RBP7: variants seen among roughly 807,000 people sequenced by gnomAD.
The protein encoded by RBP7 is retinoid-binding protein 7.
RBP7 carries 13 observed loss-of-function variants against 16.7 expected under a neutral mutation model. That is an observed-to-expected ratio of 0.78 (90% CI 0.51 to 1.24). The LOEUF (loss-of-function observed/expected upper bound fraction) is 1.24. Ranked by LOEUF, RBP7 falls within the 50% of genes most tolerant of loss-of-function variation. RBP7 has a pLI of 0.00. For missense variants in RBP7, 145 were observed against 159.5 expected, an observed-to-expected ratio of 0.91 and a Z score of 0.49; for synonymous variants, 54 against 56.2, an observed-to-expected ratio of 0.96 and a Z score of 0.17.
At chr1:9,998,477 G>C (rs888231295) in intron 1 of RBP7, among the ~76,000 whole-genome samples, 1 of 135,260 alleles carries the variant, frequency 7.4e-6, no homozygotes, top group African/African-American at 2.8e-5. Flanking sequence ...GTACGATCTC[G>C]GCTCACTGCA....
At chr1:10,003,189 G>C (rs12021658) in intron 1 of RBP7, among the ~76,000 whole-genome samples, 1 of 152,164 alleles carries the variant, frequency 6.6e-6, no homozygotes, top group African/African-American at 2.4e-5. Context: ...CACTTTGGGA[G>C]GCTGAGGTGG....
At chr1:10,015,460 A>AG (rs2101741492) in intron 3 of RBP7, among the ~76,000 whole-genome samples, 1 of 151,474 alleles carries the variant, frequency 6.6e-6, no homozygotes, top group South Asian at 2.1e-4. Context: ...AAAAAAAAAA[A>AG]AAAAAGACCA....
In RBP7 at chr1:10,015,898, C is replaced by G. The variant is rs531418186; in HGVS notation, c.*66C>G. 1.6e-5 allele frequency: 23 copies of G among 1,469,038 alleles called. No individual in the cohort carries two copies. The African/African-American group carries it at 2.3e-4, about 15-fold the overall frequency. The allele number at this position is 1,469,038 out of a possible 1,614,324, so 91.0% of individuals were successfully genotyped here. A position where few individuals can be genotyped will look rare whatever the true frequency, so the allele number is the denominator to read the frequency against. ...ATGCCAAATTATATTGCAGACTGAA[C>G]AGACGTTTATCTATCCCATTTGGCG... On this transcript the variant is annotated 3_prime_UTR_variant, in exon 4 of 4. Transcript: ENST00000294435.
At chr1:10,008,096 G>A in intron 2 of RBP7, 77 bp from the exon 3 acceptor site, 1 of 942,660 alleles carries the variant, frequency 1.1e-6, no homozygotes, top group Non-Finnish European at 1.7e-6. Flanking sequence ...ATTTTGCAAG[G>A]GTAACTTGGC....
At chr1:10,010,755 T>C (rs1312766701) in intron 3 of RBP7, among the ~76,000 whole-genome samples, 1 of 151,538 alleles carries the variant, frequency 6.6e-6, no homozygotes. Context: ...TGGCTAATTT[T>C]GTATTTTCAG....
intron 1 of RBP7, among the ~76,000 whole-genome samples, chr1:10,000,978 C>T (rs567216291): frequency 1.3e-5 from 2 of 152,284 alleles, no homozygotes; most frequent in South Asian, 4.1e-4. Flanking sequence ...TCGTGATCCA[C>T]CCGCCTTGGC....
chr1:10,007,883 C>T, intron 2 of RBP7, 135 bp downstream of exon 2: 1 of 815,644 alleles, frequency 1.2e-6, no homozygotes, highest in Non-Finnish European at 1.9e-6. Flanking sequence ...CCTGTCTCTA[C>T]AGAAAAAAAT....
At chr1:10,014,826 G>GA (rs1317901430) in intron 3 of RBP7, among the ~76,000 whole-genome samples, 1 of 152,206 alleles carries the variant, frequency 6.6e-6, no homozygotes, top group Non-Finnish European at 1.5e-5. Context: ...TGGTCAGTCA[G>GA]AAATATGGGA....
chr1:9,999,814 CT>C (rs70998341), intron 1 of RBP7, among the ~76,000 whole-genome samples: 53,685 of 101,674 alleles, frequency 0.53, 15,801 homozygotes, highest in Non-Finnish European at 0.72. Context: ...CTGTAATACT[CT>C]TTTTTTTTTT....
chr1:10,004,235 G>C (rs1243639772), intron 1 of RBP7: 1 of 151,328 alleles, frequency 6.6e-6, no homozygotes, highest in Admixed American at 6.6e-5. Flanking sequence ...ACCACGCCCA[G>C]CTAATTTTGT....
intron 1 of RBP7, among the ~76,000 whole-genome samples, chr1:9,999,737 A>C (rs1301810137): frequency 6.6e-6 from 1 of 152,076 alleles, no homozygotes; most frequent in African/African-American, 2.4e-5. Context: ...AAGTACTTAC[A>C]TCAATTTGTT....
intron 3 of RBP7, among the ~76,000 whole-genome samples, chr1:10,009,376 C>T (rs1365894692): frequency 2.0e-5 from 3 of 151,864 alleles, no homozygotes; most frequent in East Asian, 1.9e-4. Context: ...CACCACTGCC[C>T]TACGGCCTGG....
chr1:10,012,117 A>C (rs1156431444), intron 3 of RBP7, among the ~76,000 whole-genome samples: 1 of 151,572 alleles, frequency 6.6e-6, no homozygotes, highest in Non-Finnish European at 1.5e-5. Context: ...AGGCTGAGGC[A>C]GGAGAATCAC....
At chr1:10,004,428 T>C in intron 1 of RBP7, 1 of 152,180 alleles carries the variant, frequency 6.6e-6, no homozygotes, top group Non-Finnish European at 1.5e-5. Context: ...CAGGCTGGAG[T>C]GCAATGGTGC....
chr1:10,008,409 A>C (rs1027357336), intron 3 of RBP7, 135 bp downstream of exon 3: 1 of 527,042 alleles, frequency 1.9e-6, no homozygotes, highest in Non-Finnish European at 3.4e-6. Flanking sequence ...TCAGGAGACT[A>C]GCCTGGCCAA....
chr1:10,009,018 A>G (rs1642530510), intron 3 of RBP7, among the ~76,000 whole-genome samples: 1 of 152,158 alleles, frequency 6.6e-6, no homozygotes, highest in South Asian at 2.1e-4. Context: ...TCTAATCTTC[A>G]CAACCCTGTG....
Position 9,997,371 on chromosome 1 carries a change from G to T in RBP7, c.73+40G>T. ...AGGCGGCGGCGGCGCGAGGCTCGCC[G>T]TGGGTCTCGGGATCAGGCGAAGGCG... On this transcript the variant is annotated intron_variant, in intron 1 of 3. Coordinates refer to ENST00000294435, the MANE Select transcript of RBP7 (RefSeq NM_052960.3). This position sits in a 1 kb window ranked among gnomAD's most constrained non-coding sequence, Gnocchi z 5.9. The T allele has an allele frequency of 1.3e-6, 2 of 1,593,728 alleles. No individual in the cohort carries two copies. The highest frequency in any genetic ancestry group is 1.7e-6 in the Non-Finnish European group (2 of 1,165,666).
At chr1:10,009,277 G>A (rs1642537803) in intron 3 of RBP7, among the ~76,000 whole-genome samples, 1 of 152,076 alleles carries the variant, frequency 6.6e-6, no homozygotes, top group South Asian at 2.1e-4. Context: ...GGGCATGGTG[G>A]CACATGTCTG....
At chr1:10,012,752 G>A (rs927872064) in intron 3 of RBP7, among the ~76,000 whole-genome samples, 1 of 151,776 alleles carries the variant, frequency 6.6e-6, no homozygotes, top group Admixed American at 6.6e-5. Context: ...TGGCCAGCAT[G>A]GCGAAACCCC....
Sources: gnomAD v4.1 joint callset for allele counts (sites outside exome capture counted in the v4.1 genomes callset) on GRCh38, gnomAD v4.1.1 for gene constraint, Gnocchi (gnomAD v3.1) non-coding constraint, MANE v1.5 for transcripts, NCBI Gene and HGNC (gene_info 2026-07-23, HGNC 2026-07-21) for gene names.